KDM6B: variants seen among roughly 807,000 people sequenced by gnomAD.
KDM6B encodes the protein lysine-specific demethylase 6B.
KDM6B carries 22 observed loss-of-function variants against 150.4 expected under a neutral mutation model. The ratio of observed to expected loss-of-function variants is 0.15; its 90% confidence interval spans 0.10 to 0.21. The LOEUF (loss-of-function observed/expected upper bound fraction) is 0.21, where lower values mean the gene tolerates loss of function less well. KDM6B is among the 10% of genes least tolerant of loss of function. The pLI is 1.00. For synonymous variants in KDM6B, 1,148 were observed against 921.1 expected (o/e 1.25, Z -4.46); for missense variants, 1,984 against 2,234.3 (o/e 0.89, Z 2.26).
rs1227921504 is a variant in KDM6B at position 7,849,289 on chromosome 17, G to T, written c.3001G>T (p.Gly1001Cys). The change falls in exon 12 of 24, where the codon GGC (glycine) becomes TGC (cysteine). Residue 1001 changes from glycine (G) to cysteine (C), a missense_variant. Transcript: ENST00000448097. ...CAGTGTGGGTCGTCGGCCCCGTGAG[G>T]GCAGGGCAAAGGCCAAGGCCAAGGT... Reference protein sequence around the residue: ...KDSVGRRPREGRAKAKAKVPK... With the variant: ...KDSVGRRPRECRAKAKAKVPK... 1.9e-6 allele frequency: 3 copies of T among 1,556,334 alleles called. No individual in the cohort carries two copies. Among genetic ancestry groups the T allele is most frequent in the East Asian group, 2.4e-5 (1 of 41,198 alleles).
In KDM6B at chr17:7,852,206, A is replaced by C. The variant is rs771286795; in HGVS notation, c.4338A>C (p.Ala1446=). The change falls in exon 20 of 24, where the codon GCA becomes GCC. Residue 1446 remains alanine (A), a synonymous_variant. Coordinates refer to ENST00000448097, the MANE Select transcript of KDM6B (RefSeq NM_001348716.2). ...GGCCAATCCTGGATGATCTCTATGCATCCAATATTCCTGTGTACCGCTTCG... is the reference window on the plus strand; with the variant it reads ...GGCCAATCCTGGATGATCTCTATGCCTCCAATATTCCTGTGTACCGCTTCG... ...SWWPILDDLY[A]SNIPVYRFVQ... 1 of 1,614,112 alleles carries C rather than the reference A, an allele frequency of 6.2e-7. No individual in the cohort carries two copies. The highest frequency in any genetic ancestry group is 1.3e-5 in the African/African-American group (1 of 75,040).
At position 7,847,336 on chromosome 17, in the gene KDM6B, G is replaced by A. The variant is rs753746407; in HGVS notation, c.1141G>A (p.Ala381Thr). Residue 381 changes from alanine to threonine, a missense_variant, in exon 11 of 24, where the codon GCC (alanine) becomes ACC (threonine). Coordinates refer to ENST00000448097, the MANE Select transcript of KDM6B (RefSeq NM_001348716.2). ...DSSVSPAATT[A>T]CVPYAPSRPP... ...CAGCGTTTCACCAGCAGCAACCACCGCCTGCGTGCCTTACGCCCCTTCCCG... is the reference window on the plus strand; with the variant it reads ...CAGCGTTTCACCAGCAGCAACCACCACCTGCGTGCCTTACGCCCCTTCCCG... 1.7e-5 allele frequency: 28 copies of A among 1,610,116 alleles called. No individual in the cohort carries two copies. The highest frequency in any genetic ancestry group is 2.7e-5 in the African/African-American group (2 of 74,816).
rs772513608 is a variant in KDM6B at position 7,847,430 on chromosome 17, G to T, written c.1235G>T (p.Gly412Val). Residue 412 changes from glycine (G) to valine (V), a missense_variant, in exon 11 of 24, where the codon GGC (glycine) becomes GTC (valine). Gly to Val is a moderately radical substitution (Grantham distance 109). Around this residue, in one of 13 missense-constraint regions of KDM6B, gnomAD observed 1,379 missense variants for 1,275.6 expected, o/e 1.08. Transcript: ENST00000448097. The stretch of plus-strand genomic sequence containing the variant: ...AGCAGCAGCAACACTGGTCTCCGGG[G>T]CGTGGAGCCGAACCCAGGCATTGTG... ...SSSSSNTGLR[G>V]VEPNPGIPGA... is the part of the protein sequence containing the mutation. 16 of 1,613,546 alleles carry T rather than the reference G, an allele frequency of 9.9e-6. No homozygotes were observed. In the African/African-American group the frequency reaches 2.1e-4, roughly 22 times the overall value.
Position 7,847,848 on chromosome 17 carries a change from C to G in KDM6B, c.1560C>G (p.Pro520=). The G allele has an allele frequency of 6.4e-7, 1 of 1,566,226 alleles. No homozygotes were observed. Among genetic ancestry groups the G allele is most frequent in the African/African-American group, 1.4e-5 (1 of 73,364 alleles). ...CCCGCCCTGCCCCACCACCCCTCCCCCATCGCGAGGGCTTCTTGGGGCCTC... is the reference window on the plus strand; with the variant it reads ...CCCGCCCTGCCCCACCACCCCTCCCGCATCGCGAGGGCTTCTTGGGGCCTC... ...GPPRPAPPPL[P]HREGFLGPPA... The change falls in exon 12 of 24, where the codon CCC becomes CCG. Residue 520 remains proline, a synonymous_variant. Coordinates refer to ENST00000448097, the MANE Select transcript of KDM6B (RefSeq NM_001348716.2).
Position 7,851,986 on chromosome 17 carries a change from A to G in KDM6B, c.4201A>G (p.Ile1401Val), listed in dbSNP as rs765983813. 3.7e-6 allele frequency: 6 copies of G among 1,613,906 alleles called. No homozygotes were observed. The highest frequency in any genetic ancestry group is 4.2e-6 in the Non-Finnish European group (5 of 1,180,032). ...QENNNFCSVN[I>V]NIGPGDCEWF... ...GAATAACAACTTCTGCTCCGTCAAC[A>G]TCAACATTGGCCCAGGCGACTGCGA... Residue 1401 changes from isoleucine (I) to valine (V), a missense_variant, in exon 19 of 24, where the codon ATC becomes GTC. Ile to Val is a conservative substitution (Grantham distance 29). Around this residue, in one of 13 missense-constraint regions of KDM6B, gnomAD observed 31 missense variants for 120.3 expected, o/e 0.26. Coordinates refer to ENST00000448097, the MANE Select transcript of KDM6B (RefSeq NM_001348716.2).
chr17:7,848,201 C>T lies in KDM6B; in HGVS notation c.1913C>T (p.Pro638Leu), dbSNP rs772696640. The T allele has an allele frequency of 1.9e-6, 3 of 1,611,468 alleles. No individual in the cohort carries two copies. Among genetic ancestry groups the T allele is most frequent in the Admixed American group, 3.3e-5 (2 of 59,996 alleles). The change falls in exon 12 of 24, where the codon CCC becomes CTC. Residue 638 changes from proline (P) to leucine (L), a missense_variant. Physicochemically the swap from Pro to Leu is moderately conservative, Grantham distance 98. Coordinates refer to ENST00000448097, the MANE Select transcript of KDM6B (RefSeq NM_001348716.2). ...PRPRVSFPKT[P>L]EVGPGPPPGP... The stretch of plus-strand genomic sequence containing the variant: ...CCCAGGGTCTCCTTCCCAAAGACCC[C>T]CGAGGTGGGGCCGGGGCCACCCCCA...
At position 7,848,924 on chromosome 17, in the gene KDM6B, C is replaced by T. The variant is rs752770247; in HGVS notation, c.2636C>T (p.Ala879Val). The T allele has an allele frequency of 2.5e-6, 4 of 1,600,400 alleles. No homozygotes were observed. The highest frequency in any genetic ancestry group is 2.2e-5 in the East Asian group (1 of 44,588). ...SQFSTSGGPW[A>V]RERRAGEEPV... Reference sequence around the variant, plus strand: ...TTCTCTACCTCAGGCGGGCCCTGGGCCCGGGAGCGCAGGGCGGGCGAAGAG... The same window carrying T: ...TTCTCTACCTCAGGCGGGCCCTGGGTCCGGGAGCGCAGGGCGGGCGAAGAG... The change falls in exon 12 of 24, where the codon GCC becomes GTC. Residue 879 changes from alanine to valine, a missense_variant. Ala to Val is a moderately conservative substitution (Grantham distance 64). Transcript: ENST00000448097.
chr17:7,852,105 G>T, intron 19 of KDM6B, 40 bp downstream of exon 19: 1 of 1,613,604 alleles, frequency 6.2e-7, no homozygotes, highest in South Asian at 1.1e-5. Flanking sequence ...CCGCGTCCCC[G>T]CCCTCGGTCC....
intron 1 of KDM6B, among the ~76,000 whole-genome samples, chr17:7,837,613 T>C (rs1432215836): frequency 6.6e-6 from 1 of 152,210 alleles, no homozygotes; most frequent in African/African-American, 2.4e-5. Context: ...TAGTGGCTAC[T>C]AGGACTTGGA....
chr17:7,844,144 T>G lies in KDM6B; in HGVS notation c.-268-757T>G, dbSNP rs2078479974. On this transcript the variant is annotated intron_variant, in intron 2 of 23. Transcript: ENST00000448097. This position sits in a 1 kb window ranked among gnomAD's most constrained non-coding sequence, Gnocchi z 5.9. ...GCAACCCCCGAAATCCCCCCTCCCT[T>G]GGGGGGCGGGGGCCACGTGGGCCGT... is the stretch of plus-strand genomic sequence containing the variant. 4 of 139,868 alleles carry G rather than the reference T, an allele frequency of 2.9e-5. No individual in the cohort carries two copies. The highest frequency in any genetic ancestry group is 5.3e-5 in the African/African-American group (2 of 37,672). The allele number at this position is 139,868 out of a possible 1,614,324, so 8.7% of individuals were successfully genotyped here. A position where few individuals can be genotyped will look rare whatever the true frequency, so the allele number is the denominator to read the frequency against.
In KDM6B at chr17:7,848,561, C is replaced by T. The variant is rs1251634367; in HGVS notation, c.2273C>T (p.Thr758Ile). ...AVAVTTTTTT[T>I]TTTTATQEEE... Reference sequence around the variant, plus strand: ...GCCGTCACCACCACCACCACCACCACCACCACCACCACGGCCACCCAGGAA... The same window carrying T: ...GCCGTCACCACCACCACCACCACCATCACCACCACCACGGCCACCCAGGAA... Residue 758 changes from threonine (T) to isoleucine (I), a missense_variant, in exon 12 of 24, where the codon ACC (threonine) becomes ATC (isoleucine). Physicochemically the swap from Thr to Ile is moderately conservative, Grantham distance 89. Around this residue, in one of 13 missense-constraint regions of KDM6B, gnomAD observed 1,379 missense variants for 1,275.6 expected, o/e 1.08. Coordinates refer to ENST00000448097, the MANE Select transcript of KDM6B (RefSeq NM_001348716.2). 6.2e-7 allele frequency: 1 copy of T among 1,608,042 alleles called. No individual in the cohort carries two copies. The highest frequency in any genetic ancestry group is 8.5e-7 in the Non-Finnish European group (1 of 1,178,236).
chr17:7,845,825 A>G, intron 5 of KDM6B, 47 bp from the exon 6 acceptor site: 1 of 1,589,310 alleles, frequency 6.3e-7, no homozygotes, highest in Non-Finnish European at 8.6e-7. Context: ...TAGGTAGGAC[A>G]AGACTGCTCC....
chr17:7,851,442 C>T (rs2078692771), intron 16 of KDM6B, 36 bp from the exon 17 acceptor site: 4 of 1,614,210 alleles, frequency 2.5e-6, no homozygotes, highest in South Asian at 1.1e-5. Flanking sequence ...TCCCCTCCCT[C>T]TGCTCTCCAC....
chr17:7,834,835 C>T lies in KDM6B; in HGVS notation c.-388+485C>T, dbSNP rs575554197. 5.3e-5 allele frequency among the ~76,000 whole-genome samples: 8 copies of T among 152,284 alleles called. 1 individual carries two copies. The highest frequency in any genetic ancestry group is 1.3e-4 in the Admixed American group (2 of 15,306). On this transcript the variant is annotated intron_variant, in intron 1 of 23. Transcript: ENST00000448097. The stretch of plus-strand genomic sequence containing the variant: ...CTCAGCCTGACCTTCCCACCAGCGG[C>T]CCCGAGAGCTTCCCAGCGGTAGCCT...
chr17:7,853,843 C>A lies in KDM6B; in HGVS notation c.*322C>A. On this transcript the variant is annotated 3_prime_UTR_variant, in exon 24 of 24. Transcript: ENST00000448097. ...CTCCGGCGGCGGCGGGGGTCACATA[C>A]GGGTTCCCTCACCCTGCCAGCCGCC... 2 of 198,204 alleles carry A rather than the reference C, an allele frequency of 1.0e-5. No homozygotes were observed. The highest frequency in any genetic ancestry group is 1.6e-4 in the South Asian group (1 of 6,444). 12.3% of individuals were successfully genotyped at this position (198,204 alleles called of 1,614,324 possible).
chr17:7,840,505 T>C (rs2078397961), intron 2 of KDM6B: 1 of 152,202 alleles, frequency 6.6e-6, no homozygotes, highest in South Asian at 2.1e-4. Flanking sequence ...TCCTTCCAGA[T>C]CTCTTTCAGT....
At chr17:7,851,834 C>G (rs748154212) in intron 18 of KDM6B, 38 bp downstream of exon 18, 2 of 1,560,546 alleles carry the variant, frequency 1.3e-6, no homozygotes, top group South Asian at 1.2e-5. Context: ...GCTGGAAGCG[C>G]GAGAGGAGGG....
At position 7,846,896 on chromosome 17, in the gene KDM6B, A is replaced by ACCG. The variant is rs754571535; in HGVS notation, c.791_792insGCC (p.Pro264dup). On this transcript the variant is annotated inframe_insertion, in exon 10 of 24. Transcript: ENST00000448097. The stretch of plus-strand genomic sequence containing the variant: ...CACCACCACCACCACCACCACCACC[A>ACCG]CCCCTGCCTGGCCTGGCTACCAGCC... 4 of 1,365,134 alleles carry ACCG rather than the reference A, an allele frequency of 2.9e-6. No individual in the cohort carries two copies. The highest frequency in any genetic ancestry group is 1.2e-5 in the South Asian group (1 of 86,326). 84.6% of individuals were successfully genotyped at this position (1,365,134 alleles called of 1,614,324 possible).
chr17:7,851,932 T>TG lies in KDM6B; in HGVS notation c.4166-19_4166-18insG. The stretch of plus-strand genomic sequence containing the variant: ...GTTCCGACCTGGCCAGCCATGCCGT[T>TG]CTCTGTCGACCCCTGCAGGCCACCA... On this transcript the variant is annotated intron_variant, in intron 18 of 23. Coordinates refer to ENST00000448097, the MANE Select transcript of KDM6B (RefSeq NM_001348716.2). 6.2e-7 allele frequency: 1 copy of TG among 1,612,394 alleles called. No individual in the cohort carries two copies. Among genetic ancestry groups the TG allele is most frequent in the East Asian group, 2.2e-5 (1 of 44,880 alleles).
Sources: gnomAD v4.1 joint callset for allele counts (sites outside exome capture counted in the v4.1 genomes callset) on GRCh38, gnomAD v4.1.1 for gene constraint, gnomAD v4.1.1 regional missense constraint, Gnocchi (gnomAD v3.1) non-coding constraint, MANE v1.5 for transcripts, NCBI Gene and HGNC (gene_info 2026-07-23, HGNC 2026-07-21) for gene names.